Variants in AGBL4 observed in about 807,000 individuals in gnomAD.
AGBL4 encodes cytosolic carboxypeptidase 6.
In AGBL4, 58 loss-of-function variants were observed where a neutral mutation model predicts 66.4. That is an observed-to-expected ratio of 0.87 (90% CI 0.71 to 1.09). The LOEUF (loss-of-function observed/expected upper bound fraction) is 1.09, where lower values mean the gene tolerates loss of function less well. Ranked by LOEUF, AGBL4 falls within the 50% of genes least tolerant of loss-of-function variation. AGBL4 has a pLI of 0.00. For synonymous variants in AGBL4, 234 were observed against 222.9 expected, an observed-to-expected ratio of 1.05 and a Z score of -0.44; for missense variants, 579 against 631.0, an observed-to-expected ratio of 0.92 and a Z score of 0.88.
chr1:48,580,255 G>C (rs572639935), intron 11 of AGBL4, among the ~76,000 whole-genome samples: 158 of 152,358 alleles, frequency 1.0e-3, no homozygotes, highest in Non-Finnish European at 1.6e-3. Flanking sequence ...AGCACCAGGA[G>C]AGGGTGTGTC....
intron 9 of AGBL4, among the ~76,000 whole-genome samples, chr1:48,629,959 C>T (rs185810646): frequency 3.0e-4 from 46 of 152,324 alleles, no homozygotes; most frequent in Admixed American, 9.1e-4. Flanking sequence ...TTCGCTTCAT[C>T]ATTTGCTCAA....
intron 6 of AGBL4, among the ~76,000 whole-genome samples, chr1:48,688,700 A>C (rs1646572714): frequency 6.6e-6 from 1 of 152,158 alleles, no homozygotes; most frequent in African/African-American, 2.4e-5. Context: ...AGATTAAGGA[A>C]GGCCTCCCAG....
intron 2 of AGBL4, among the ~76,000 whole-genome samples, chr1:49,774,187 G>C (rs529918433): frequency 1.3e-5 from 2 of 152,196 alleles, no homozygotes; most frequent in South Asian, 2.1e-4. Flanking sequence ...CAAGGTCTGT[G>C]AGGATTGGAG....
At chr1:48,692,697 C>T (rs530360569) in intron 6 of AGBL4, among the ~76,000 whole-genome samples, 62 of 152,282 alleles carry the variant, frequency 4.1e-4, no homozygotes, top group South Asian at 3.7e-3. Context: ...TCCAGGAAGT[C>T]AAAAGAGCTT....
At chr1:49,978,905 G>A (rs1658810879) in intron 1 of AGBL4, among the ~76,000 whole-genome samples, 1 of 152,082 alleles carries the variant, frequency 6.6e-6, no homozygotes, top group Admixed American at 6.6e-5. Flanking sequence ...ATAACATACA[G>A]TTGGCCCTTC....
chr1:49,338,430 G>T (rs957901526), intron 3 of AGBL4, among the ~76,000 whole-genome samples: 1 of 152,142 alleles, frequency 6.6e-6, no homozygotes, highest in African/African-American at 2.4e-5. Context: ...AGATCTATTA[G>T]GTTTCCAAGT....
chr1:49,417,466 A>T (rs559822448), intron 3 of AGBL4, among the ~76,000 whole-genome samples: 32 of 152,238 alleles, frequency 2.1e-4, no homozygotes, highest in Non-Finnish European at 3.4e-4. Flanking sequence ...AAGGGCATTC[A>T]TATAAGGGAG....
chr1:49,393,712 T>C (rs1443561044), intron 3 of AGBL4, among the ~76,000 whole-genome samples: 1 of 152,118 alleles, frequency 6.6e-6, no homozygotes, highest in Non-Finnish European at 1.5e-5. Flanking sequence ...CAAGAGTATT[T>C]TGATAGGGAA....
intron 4 of AGBL4, among the ~76,000 whole-genome samples, chr1:49,183,211 C>T (rs145871544): frequency 5.9e-5 from 9 of 152,222 alleles, no homozygotes; most frequent in South Asian, 2.1e-4. Flanking sequence ...GTATCCCAGA[C>T]GGAATTCGAG....
chr1:49,633,570 G>T (rs965366271), intron 3 of AGBL4, among the ~76,000 whole-genome samples: 17 of 152,064 alleles, frequency 1.1e-4, no homozygotes, highest in African/African-American at 4.1e-4. Flanking sequence ...GAGGTTGGAG[G>T]ATTACTTGAA....
At chr1:49,988,592 C>T (rs1385231711) in intron 1 of AGBL4, among the ~76,000 whole-genome samples, 3 of 152,190 alleles carry the variant, frequency 2.0e-5, no homozygotes, top group Non-Finnish European at 4.4e-5. Context: ...ATTTACTTTC[C>T]TGGTCTTAAC....
intron 1 of AGBL4, among the ~76,000 whole-genome samples, chr1:49,862,157 G>A (rs1646588291): frequency 6.6e-6 from 1 of 152,004 alleles, no homozygotes; most frequent in South Asian, 2.1e-4. Context: ...CACAGAGAAG[G>A]AATTCAGAAT....
intron 2 of AGBL4, among the ~76,000 whole-genome samples, chr1:49,847,185 A>T (rs1351163242): frequency 6.6e-6 from 1 of 152,206 alleles, no homozygotes; most frequent in Non-Finnish European, 1.5e-5. Flanking sequence ...AATAAGTGGT[A>T]CTGGTAATAT....
rs563566096 is a variant in AGBL4 at position 49,699,266 on chromosome 1, T to G, written c.158-1829A>C. Among the ~76,000 whole-genome samples, 253 of 152,216 alleles carry G rather than the reference T, an allele frequency of 1.7e-3. 1 individual carries two copies. The highest frequency in any genetic ancestry group is 5.7e-3 in the African/African-American group (235 of 41,586). On this transcript the variant is annotated intron_variant, in intron 2 of 13. Coordinates refer to ENST00000371839, the MANE Select transcript of AGBL4 (RefSeq NM_032785.4). ...AGTGAACATCTGGTCTTTGGCCTTCTGCAACTACTCTGTTGACCTTCTTCA... is the reference window on the plus strand; with the variant it reads ...AGTGAACATCTGGTCTTTGGCCTTCGGCAACTACTCTGTTGACCTTCTTCA...
At chr1:49,076,860 T>C (rs1466900645) in intron 4 of AGBL4, among the ~76,000 whole-genome samples, 2 of 152,170 alleles carry the variant, frequency 1.3e-5, no homozygotes, top group Non-Finnish European at 2.9e-5. Flanking sequence ...TCATTCAGTG[T>C]CACTAACAAA....
intron 11 of AGBL4, among the ~76,000 whole-genome samples, chr1:48,561,284 C>G (rs1218850506): frequency 6.6e-6 from 1 of 151,960 alleles, no homozygotes. Context: ...CCCTTCTCTT[C>G]CTTCCTCTTC....
At chr1:49,454,650 T>C (rs1322546557) in intron 3 of AGBL4, among the ~76,000 whole-genome samples, 4 of 151,714 alleles carry the variant, frequency 2.6e-5, no homozygotes, top group Non-Finnish European at 5.9e-5. Flanking sequence ...ATGAATTTAA[T>C]TTCAATTCAT....
rs552180283 is a variant in AGBL4, at chr1:49,510,767, G to A, written c.282+186546C>T. On this transcript the variant is annotated intron_variant, in intron 3 of 13. Transcript: ENST00000371839. ...ACTTGAATTGATTTTTGTATAAGGT[G>A]TAAGGAAGGGATCCAGTTTCAGCTT... Among the ~76,000 whole-genome samples, 935 of 151,360 alleles carry A rather than the reference G, an allele frequency of 6.2e-3. 8 individuals are homozygous for A. Among genetic ancestry groups the A allele is most frequent in the Middle Eastern group, 0.031 (9 of 290 alleles).
At chr1:49,186,728 C>T (rs1489106980) in intron 4 of AGBL4, among the ~76,000 whole-genome samples, 1 of 152,048 alleles carries the variant, frequency 6.6e-6, no homozygotes, top group African/African-American at 2.4e-5. Context: ...TTTACTCAGC[C>T]CTGGAAGATG....
Sources: gnomAD v4.1 joint callset for allele counts (sites outside exome capture counted in the v4.1 genomes callset) on GRCh38, gnomAD v4.1.1 for gene constraint, MANE v1.5 for transcripts, NCBI Gene and HGNC (gene_info 2026-07-23, HGNC 2026-07-21) for gene names.